SVOP: variants seen among roughly 807,000 people sequenced by gnomAD.
SVOP encodes the protein synaptic vesicle 2-related protein.
In SVOP, 17 loss-of-function variants were observed where a neutral mutation model predicts 69.1. The ratio of observed to expected loss-of-function variants is 0.25; its 90% confidence interval spans 0.17 to 0.37. The LOEUF (loss-of-function observed/expected upper bound fraction) is 0.37. Ranked by LOEUF, SVOP falls within the 10% of genes least tolerant of loss-of-function variation. SVOP has a pLI of 1.00. For missense variants in SVOP, 435 were observed against 597.5 expected, an observed-to-expected ratio of 0.73 and a Z score of 2.84; for synonymous variants, 238 against 238.6, an observed-to-expected ratio of 1.00 and a Z score of 0.02.
intron 1 of SVOP, among the ~76,000 whole-genome samples, chr12:108,986,778 AGG>A (rs36157454): frequency 6.6e-6 from 1 of 150,972 alleles, no homozygotes. Flanking sequence ...TTGATCGGGG[AGG>A]GGGGGGTCTT....
At chr12:108,944,587 T>G (rs1158698036) in intron 7 of SVOP, among the ~76,000 whole-genome samples, 2 of 152,098 alleles carry the variant, frequency 1.3e-5, no homozygotes, top group Admixed American at 6.5e-5. Context: ...ATGGAGCCAT[T>G]GTATTTGCTC....
At position 108,969,328 on chromosome 12, in the gene SVOP, CT is replaced by C. The variant is rs757212083; in HGVS notation, c.453+3076del. 3.3e-4 allele frequency among the ~76,000 whole-genome samples: 50 copies of C among 149,740 alleles called. 1 individual carries two copies. The highest frequency in any genetic ancestry group is 1.5e-3 in the Admixed American group (23 of 14,978). ...TACCTCCTTCCTTTCTTCCTCCCCC[CT>C]CCCTTCCTACCTCGCTCTCTTTCTC... On this transcript the variant is annotated intron_variant, in intron 5 of 15. Transcript: ENST00000610966.
At chr12:108,968,090 A>G (rs148498511) in intron 5 of SVOP, among the ~76,000 whole-genome samples, 2 of 152,216 alleles carry the variant, frequency 1.3e-5, no homozygotes, top group Non-Finnish European at 2.9e-5. Flanking sequence ...AACACTCATC[A>G]GGCAGTTGCT....
chr12:108,920,684 G>A (rs1448436835), intron 12 of SVOP, among the ~76,000 whole-genome samples: 1 of 143,588 alleles, frequency 7.0e-6, no homozygotes, highest in Non-Finnish European at 1.5e-5. Context: ...TGCAATCTCC[G>A]CCTCCTGGGT....
chr12:108,960,280 G>A (rs1252142388), intron 6 of SVOP, among the ~76,000 whole-genome samples: 4 of 152,132 alleles, frequency 2.6e-5, no homozygotes, highest in Admixed American at 6.6e-5. Flanking sequence ...TCAGCAGGTC[G>A]AATTCTGCCC....
intron 11 of SVOP, among the ~76,000 whole-genome samples, chr12:108,927,695 G>A (rs1566049101): frequency 6.6e-6 from 1 of 150,720 alleles, no homozygotes; most frequent in South Asian, 2.1e-4. Context: ...CACACCTGCA[G>A]GCTCAAGTGA....
intron 6 of SVOP, among the ~76,000 whole-genome samples, chr12:108,954,799 G>A (rs888067101): frequency 2.6e-5 from 4 of 152,162 alleles, no homozygotes; most frequent in Admixed American, 1.3e-4. Context: ...GAAGGCCAAG[G>A]TAGGCAGATC....
chr12:109,014,080 A>T (rs373700255), intron 1 of SVOP, among the ~76,000 whole-genome samples: 2 of 140,906 alleles, frequency 1.4e-5, no homozygotes, highest in African/African-American at 5.4e-5. Flanking sequence ...CCACGGTGTG[A>T]TCTCAGCTCA....
chr12:108,934,334 C>A, intron 10 of SVOP, 63 bp from the exon 11 acceptor site: 1 of 1,435,046 alleles, frequency 7.0e-7, no homozygotes, highest in East Asian at 2.5e-5. Flanking sequence ...CCTTTCCCTA[C>A]CCCCTTGGGA....
At chr12:108,958,092 T>G (rs144821032) in intron 6 of SVOP, among the ~76,000 whole-genome samples, 100 of 152,300 alleles carry the variant, frequency 6.6e-4, no homozygotes, top group African/African-American at 2.3e-3. Flanking sequence ...CTTATTTATT[T>G]TGCAATCTTT....
At chr12:108,917,933 A>G (rs1157652177) in intron 14 of SVOP, 110 bp downstream of exon 14, 5 of 852,852 alleles carry the variant, frequency 5.9e-6, no homozygotes, top group Non-Finnish European at 8.7e-6. Flanking sequence ...GGCATGAGCT[A>G]CCGCGCCCAC....
At chr12:108,987,851 T>C (rs1339879126) in intron 1 of SVOP, among the ~76,000 whole-genome samples, 1 of 152,208 alleles carries the variant, frequency 6.6e-6, no homozygotes, top group Non-Finnish European at 1.5e-5. Context: ...ACATATGATT[T>C]GCAAACAATT....
At chr12:108,945,921 C>A (rs998976018) in intron 6 of SVOP, among the ~76,000 whole-genome samples, 1 of 152,134 alleles carries the variant, frequency 6.6e-6, no homozygotes, top group African/African-American at 2.4e-5. Flanking sequence ...TAACAGATTT[C>A]TCCACCCTAA....
At position 108,918,039 on chromosome 12, in the gene SVOP, CT is replaced by C; in HGVS notation, c.1350+3del. On this transcript the variant is annotated splice_donor_region_variant and intron_variant, in intron 14 of 15. Transcript: ENST00000610966. ...CCCCAGCAGCTCCCAGACACCCCTC[CT>C]ACCTCAGGTGTGTAAACATATGCCG... is the stretch of plus-strand genomic sequence containing the variant. The C allele has an allele frequency of 6.4e-7, 1 of 1,569,738 alleles. No homozygotes were observed. The highest frequency in any genetic ancestry group is 1.9e-5 in the Admixed American group (1 of 53,228).
chr12:109,013,902 C>T (rs1050881414), intron 1 of SVOP, among the ~76,000 whole-genome samples: 1 of 152,116 alleles, frequency 6.6e-6, no homozygotes, highest in Non-Finnish European at 1.5e-5. Context: ...ATGGATTTGA[C>T]TGCTCTAGGC....
At chr12:109,010,282 A>G (rs1288850564) in intron 1 of SVOP, among the ~76,000 whole-genome samples, 1 of 151,968 alleles carries the variant, frequency 6.6e-6, no homozygotes, top group East Asian at 1.9e-4. Context: ...TGACCCGGGC[A>G]CCCCCTCGTG....
intron 1 of SVOP, among the ~76,000 whole-genome samples, chr12:109,003,883 C>T (rs1463760108): frequency 6.6e-6 from 1 of 152,150 alleles, no homozygotes; most frequent in African/African-American, 2.4e-5. Flanking sequence ...GCTGGGATTA[C>T]AGGCGTGAGC....
intron 1 of SVOP, among the ~76,000 whole-genome samples, chr12:108,991,797 T>A (rs1157823608): frequency 3.3e-5 from 4 of 121,490 alleles, no homozygotes; most frequent in Non-Finnish European, 5.5e-5. Flanking sequence ...AAAAAAAAGA[T>A]TAGCCAGGCA....
chr12:108,981,210 G>A (rs1466256110), intron 2 of SVOP, among the ~76,000 whole-genome samples: 1 of 152,172 alleles, frequency 6.6e-6, no homozygotes, highest in Admixed American at 6.6e-5. Context: ...AGCTAGATGT[G>A]CATTATTTCA....
Sources: allele counts gnomAD v4.1 joint callset (sites outside exome capture counted in the v4.1 genomes callset), GRCh38; gene constraint gnomAD v4.1.1; transcripts MANE v1.5; gene names NCBI Gene and HGNC (gene_info 2026-07-23, HGNC 2026-07-21).